Variants in MAN2B1 observed in about 807,000 individuals in gnomAD.
The protein encoded by MAN2B1 is lysosomal alpha-mannosidase.
MAN2B1 carries 99 observed loss-of-function variants against 127.5 expected under a neutral mutation model. The observed-to-expected ratio is 0.78, with a 90% CI of 0.66 to 0.92. The LOEUF (loss-of-function observed/expected upper bound fraction) is 0.92. Ranked by LOEUF, MAN2B1 falls within the 40% of genes least tolerant of loss-of-function variation. MAN2B1 has a pLI of 0.00. For synonymous variants in MAN2B1, 573 were observed against 568.8 expected, an observed-to-expected ratio of 1.01 and a Z score of -0.11; for missense variants, 1,304 against 1,384.8, an observed-to-expected ratio of 0.94 and a Z score of 0.93.
At position 12,658,099 on chromosome 19, in the gene MAN2B1, C is replaced by A. The variant is rs141650075; in HGVS notation, c.1273G>T (p.Val425Leu). ...LEALVGLAAN[V>L]GPYGSGDSAP... ...CTGTCTCCGGAGCCATAGGGTCCCA[C>A]GTTGGCCGCCAGGCCCACCAGCGCC... Residue 425 changes from valine to leucine, a missense_variant, in exon 10 of 24, where the codon GTG becomes TTG. By Grantham distance (32) the Val-to-Leu change is conservative (BLOSUM62 1). Transcript: ENST00000456935. 104 of 1,613,300 alleles carry A rather than the reference C, an allele frequency of 6.4e-5. No homozygotes were observed. Among genetic ancestry groups the A allele is most frequent in the Middle Eastern group, 1.7e-4 (1 of 6,056 alleles).
In MAN2B1 at chr19:12,647,682, G is replaced by A; in HGVS notation, c.2665-84C>T. The A allele has an allele frequency of 8.0e-7, 1 of 1,249,336 alleles. No homozygotes were observed. The highest frequency in any genetic ancestry group is 1.1e-6 in the Non-Finnish European group (1 of 896,984). The allele number at this position is 1,249,336 out of a possible 1,614,324, so 77.4% of individuals were successfully genotyped here. A position where few individuals can be genotyped will look rare whatever the true frequency, so the allele number is the denominator to read the frequency against. ...GGGGCCGAGCCAGGTCAGGAGGCAG[G>A]GCTAGGTTGTAGGGGCGGGGTTTCG... On this transcript the variant is annotated intron_variant, in intron 21 of 23. Transcript: ENST00000456935. This position sits in a 1 kb window ranked among gnomAD's most constrained non-coding sequence, Gnocchi z 4.9.
rs763568139 is a variant in MAN2B1, at chr19:12,665,573, G to A, written c.263-48C>T. On this transcript the variant is annotated intron_variant, in intron 2 of 23. Transcript: ENST00000456935. ...TCTCAGGGAACAGCAGAGCCAAGGG[G>A]GTTATTCCTAGACAGAGGAGCCCAA... 5 of 1,609,524 alleles carry A rather than the reference G, an allele frequency of 3.1e-6. No individual in the cohort carries two copies. The South Asian group carries it at 4.4e-5, about 14-fold the overall frequency.
chr19:12,666,532 G>A lies in MAN2B1; in HGVS notation c.159+11C>T, dbSNP rs1483271794. 6.3e-7 allele frequency: 1 copy of A among 1,577,284 alleles called. No homozygotes were observed. Among genetic ancestry groups the A allele is most frequent in the Admixed American group, 1.9e-5 (1 of 53,940 alleles). On this transcript the variant is annotated intron_variant, in intron 1 of 23. Transcript: ENST00000456935. Reference sequence around the variant, plus strand: ...GCCTCCTGTACGTTTCAGCTCGGAGGCCCCACTCACCTCGTATCCCCCGGC... The same window carrying A: ...GCCTCCTGTACGTTTCAGCTCGGAGACCCCACTCACCTCGTATCCCCCGGC...
intron 18 of MAN2B1, 49 bp from the exon 19 acceptor site, chr19:12,649,477 C>CTTGTTTTTTTTTTTTTTTTTTTTT: frequency 2.4e-6 from 1 of 421,496 alleles, no homozygotes; most frequent in Non-Finnish European, 3.9e-6. Context: ...CTCCCCAACT[C>CTTGTTTTTTTTTTTTTTTTTTTTT]TTTTTTTTTT....
chr19:12,662,269 A>G (rs1274027747), intron 6 of MAN2B1, among the ~76,000 whole-genome samples: 1 of 152,136 alleles, frequency 6.6e-6, no homozygotes, highest in African/African-American at 2.4e-5. Flanking sequence ...TGAGTTCAGG[A>G]GTTTGAGACC....
rs2023997774 is a variant in MAN2B1, at chr19:12,657,533, C to T, written c.1332G>A (p.Gln444=). Residue 444 remains glutamine, a synonymous_variant, in exon 11 of 24, where the codon CAG becomes CAA. Coordinates refer to ENST00000456935, the MANE Select transcript of MAN2B1 (RefSeq NM_000528.4). ...APLNEAMAVL[Q]HHDAVSGTSR... ...AGGTGCCGCTGACGGCGTCGTGATG[C>T]TGGAGCACAGCCATCGCCTCATCTG... is the stretch of plus-strand genomic sequence containing the variant. 2 of 1,565,542 alleles carry T rather than the reference C, an allele frequency of 1.3e-6. No homozygotes were observed. The highest frequency in any genetic ancestry group is 1.7e-6 in the Non-Finnish European group (2 of 1,155,378).
At chr19:12,650,449 C>T (rs1418525431) in intron 16 of MAN2B1, among the ~76,000 whole-genome samples, 1 of 151,368 alleles carries the variant, frequency 6.6e-6, no homozygotes, top group Non-Finnish European at 1.5e-5. Flanking sequence ...AGCTCCGCCT[C>T]CCGGGTTCAC....
chr19:12,647,509 C>A lies in MAN2B1; in HGVS notation c.2754G>T (p.Glu918Asp). The change falls in exon 22 of 24, where the codon GAG becomes GAT. Residue 918 changes from glutamate (E) to aspartate (D), a missense_variant. By Grantham distance (45) the Glu-to-Asp change is conservative. Transcript: ENST00000456935. This position sits in a 1 kb window ranked among gnomAD's most constrained non-coding sequence, Gnocchi z 4.9. ...AATCCTCTCCTACGGCAAACTGGTG[C>A]TCCAAGCGCAGCAGCACCATTTCGG... Reference protein sequence around the residue: ...WGPEMVLLRLEHQFAVGEDSG... With the variant: ...WGPEMVLLRLDHQFAVGEDSG... The A allele has an allele frequency of 6.2e-7, 1 of 1,614,234 alleles. No individual in the cohort carries two copies. The highest frequency in any genetic ancestry group is 1.3e-5 in the African/African-American group (1 of 75,062).
rs2145221975 is a variant in MAN2B1, at chr19:12,647,578, G to A, written c.2685C>T (p.Asp895=). ...PRTQFSGLRR[D]LPPSVHLLTL... ...TGAGCAGGTGCACCGAGGGCGGCAG[G>A]TCCCTGCGCAGCCCTGAGAACTGCG... Residue 895 remains aspartate, a synonymous_variant, in exon 22 of 24, where the codon GAC becomes GAT. Transcript: ENST00000456935. The surrounding 1 kb of genome is among the most constrained non-coding windows in gnomAD (Gnocchi z 4.9). 2 of 1,613,848 alleles carry A rather than the reference G, an allele frequency of 1.2e-6. No individual in the cohort carries two copies. Among genetic ancestry groups the A allele is most frequent in the Non-Finnish European group, 1.7e-6 (2 of 1,179,896 alleles).
In MAN2B1 at chr19:12,656,667, A is replaced by G; in HGVS notation, c.1548T>C (p.Asn516=). The G allele has an allele frequency of 6.2e-7, 1 of 1,613,632 alleles. No homozygotes were observed. The highest frequency in any genetic ancestry group is 1.7e-4 in the Middle Eastern group (1 of 6,060). The change falls in exon 13 of 24, where the codon AAT becomes AAC. Residue 516 remains asparagine (N), a synonymous_variant. Coordinates refer to ENST00000456935, the MANE Select transcript of MAN2B1 (RefSeq NM_000528.4). ...TCCAATTCACCTTCCGCCCCAGGGG[A>G]TTATAAACGATGACCTGGAACTGGG... ...TAARFQVIVY[N]PLGRKVNWMV...
Position 12,664,879 on chromosome 19 carries a change from GTCC to G in MAN2B1, c.540_542del (p.Glu180del). 6.2e-7 allele frequency: 1 copy of G among 1,614,162 alleles called. No homozygotes were observed. The highest frequency in any genetic ancestry group is 2.2e-5 in the East Asian group (1 of 44,886). ...GGGGTCGCCCATCATTGCCAAATGT[GTCC>G]TCCAGAAAGCGCAGCCCAAGTGTCA... On this transcript the variant is annotated inframe_deletion, in exon 4 of 24. Coordinates refer to ENST00000456935, the MANE Select transcript of MAN2B1 (RefSeq NM_000528.4).
chr19:12,650,544 G>A lies in MAN2B1; in HGVS notation c.2047-322C>T, dbSNP rs113876739. Among the ~76,000 whole-genome samples the A allele has an allele frequency of 6.3e-3, 964 of 151,892 alleles. 11 individuals are homozygous for A. The highest frequency in any genetic ancestry group is 0.021 in the African/African-American group (888 of 41,434). On this transcript the variant is annotated intron_variant, in intron 16 of 23. Coordinates refer to ENST00000456935, the MANE Select transcript of MAN2B1 (RefSeq NM_000528.4). ...CGGCTAATTTTTTGTATTTTTAGTAGAGATGGGGTTTCACCGTGTTAGCAA... is the reference window on the plus strand; with the variant it reads ...CGGCTAATTTTTTGTATTTTTAGTAAAGATGGGGTTTCACCGTGTTAGCAA...
At chr19:12,651,685 G>A (rs1409460230) in intron 16 of MAN2B1, among the ~76,000 whole-genome samples, 5 of 152,156 alleles carry the variant, frequency 3.3e-5, no homozygotes, top group South Asian at 2.1e-4. Flanking sequence ...AGAGGCCCTG[G>A]GAAACCACTG....
chr19:12,658,000 C>T (rs951925669), intron 10 of MAN2B1, 63 bp downstream of exon 10: 50 of 1,151,776 alleles, frequency 4.3e-5, no homozygotes, highest in Non-Finnish European at 6.0e-5. Flanking sequence ...TCGAGGGGGG[C>T]GGCCTAGGGG....
At chr19:12,657,304 A>G in intron 11 of MAN2B1, 142 bp downstream of exon 11, 1 of 616,416 alleles carries the variant, frequency 1.6e-6, no homozygotes. Context: ...CGCCTCCTAC[A>G]AGCCCCGCCC....
chr19:12,661,155 G>A (rs2024092940), intron 7 of MAN2B1, 105 bp downstream of exon 7: 1 of 815,862 alleles, frequency 1.2e-6, no homozygotes, highest in South Asian at 1.3e-5. Context: ...GACCACAATA[G>A]AACAATAGAA....
Position 12,647,326 on chromosome 19 carries a change from A to G in MAN2B1, c.2830T>C (p.Ser944Pro). 6.2e-7 allele frequency: 1 copy of G among 1,614,100 alleles called. No homozygotes were observed. Among genetic ancestry groups the G allele is most frequent in the East Asian group, 2.2e-5 (1 of 44,884 alleles). Residue 944 changes from serine to proline, a missense_variant, in exon 23 of 24, where the codon TCC (serine) becomes CCC (proline). By Grantham distance (74) the Ser-to-Pro change is moderately conservative. Coordinates refer to ENST00000456935, the MANE Select transcript of MAN2B1 (RefSeq NM_000528.4). The surrounding 1 kb of genome is among the most constrained non-coding windows in gnomAD (Gnocchi z 4.9). ...PVTLNLRDLFSTFTITRLQET... is the reference protein window; with the variant it reads ...PVTLNLRDLFPTFTITRLQET... ...TGCAGGCGGGTGATGGTGAAGGTGG[A>G]GAACAGGTCCTGCGGGGAAGGGGAT...
In MAN2B1 at chr19:12,663,748, G is replaced by C; in HGVS notation, c.718C>G (p.Arg240Gly). ...MQKLEMEQVWRASTSLKPPTA... is the reference protein window; with the variant it reads ...MQKLEMEQVWGASTSLKPPTA... ...GGGGGCTTCAGGCTGGTGCTGGCCC[G>C]CCACACCTGCTCCATCTCCAGCTTC... is the stretch of plus-strand genomic sequence containing the variant. The change falls in exon 5 of 24, where the codon CGG becomes GGG. Residue 240 changes from arginine (R) to glycine (G), a missense_variant. Coordinates refer to ENST00000456935, the MANE Select transcript of MAN2B1 (RefSeq NM_000528.4). The C allele has an allele frequency of 6.2e-7, 1 of 1,613,972 alleles. No individual in the cohort carries two copies. Among genetic ancestry groups the C allele is most frequent in the African/African-American group, 1.3e-5 (1 of 75,004 alleles).
chr19:12,661,332 C>T lies in MAN2B1; in HGVS notation c.954G>A (p.Ser318=), dbSNP rs770875556. The change falls in exon 7 of 24, where the codon TCG becomes TCA. Residue 318 remains serine, a synonymous_variant. Coordinates refer to ENST00000456935, the MANE Select transcript of MAN2B1 (RefSeq NM_000528.4). ...TGTTGGCATTCTCATATTGGAAGTC[C>T]GAGCCCATGGTCATCACAGTGTGGT... ...RTNHTVMTMG[S]DFQYENANMW... is the part of the protein sequence containing the mutation. 30 of 1,613,882 alleles carry T rather than the reference C, an allele frequency of 1.9e-5. No individual in the cohort carries two copies. The highest frequency in any genetic ancestry group is 1.6e-4 in the Middle Eastern group (1 of 6,084).
Sources: gnomAD v4.1 joint callset for allele counts (sites outside exome capture counted in the v4.1 genomes callset) on GRCh38, gnomAD v4.1.1 for gene constraint, Gnocchi (gnomAD v3.1) non-coding constraint, MANE v1.5 for transcripts, NCBI Gene and HGNC (gene_info 2026-07-23, HGNC 2026-07-21) for gene names.